Variants in AKR1B15 observed in about 807,000 individuals in gnomAD.
AKR1B15 encodes the protein aldo-keto reductase family 1 member B15, also known as estradiol 17-beta-dehydrogenase AKR1B15.
A neutral mutation model predicts 38.5 loss-of-function variants in AKR1B15; 49 were observed. The observed-to-expected ratio is 1.27, with a 90% CI of 1.01 to 1.62. The LOEUF is 1.62. Among genes scored for constraint, AKR1B15 ranks in the 40% most tolerant of loss-of-function variants. The pLI, the probability that AKR1B15 is intolerant of heterozygous loss-of-function variation, is 0.00. For missense variants in AKR1B15, 411 were observed against 381.6 expected, an observed-to-expected ratio of 1.08 and a Z score of -0.64; for synonymous variants, 137 against 135.5, an observed-to-expected ratio of 1.01 and a Z score of -0.08.
intron 6 of AKR1B15, among the ~76,000 whole-genome samples, chr7:134,574,722 C>A (rs1441974156): frequency 6.6e-6 from 1 of 152,202 alleles, no homozygotes; most frequent in Non-Finnish European, 1.5e-5. Flanking sequence ...TTGGAAAATG[C>A]CCAATAAAGG....
intron 4 of AKR1B15, 123 bp from the exon 5 acceptor site, chr7:134,569,290 A>C: frequency 9.1e-7 from 1 of 1,099,176 alleles, no homozygotes; most frequent in South Asian, 1.5e-5. Context: ...GATCTTAATC[A>C]GCTTTGTTAT....
rs1231413325 is a variant in AKR1B15, at chr7:134,569,635, G to A, written c.435+106G>A. On this transcript the variant is annotated intron_variant, in intron 5 of 11. Transcript: ENST00000457545. ...AAGCCATGGCAGAAGAACATAAATT[G>A]TGAAGATTTCATGGACATTTCTTAA... The A allele has an allele frequency of 8.3e-6, 10 of 1,202,290 alleles. No individual in the cohort carries two copies. In the African/African-American group the frequency reaches 1.1e-4, roughly 13 times the overall value. The allele number at this position is 1,202,290 out of a possible 1,614,324, so 74.5% of individuals were successfully genotyped here.
chr7:134,560,004 AG>A (rs2117632213), intron 2 of AKR1B15, among the ~76,000 whole-genome samples: 1 of 152,146 alleles, frequency 6.6e-6, no homozygotes, highest in South Asian at 2.1e-4. Context: ...GCTACTTGGG[AG>A]GCTGAGGCAG....
At chr7:134,565,472 G>T (rs368214646) in intron 3 of AKR1B15, 12 of 1,613,114 alleles carry the variant, frequency 7.4e-6, no homozygotes, top group African/African-American at 2.7e-5. Flanking sequence ...AATCATTTCC[G>T]CACCAACCAT....
Position 134,575,876 on chromosome 7 carries a change from A to T in AKR1B15, c.692A>T (p.Lys231Met), listed in dbSNP as rs752388870. Residue 231 changes from lysine (K) to methionine (M), a missense_variant, in exon 8 of 12, where the codon AAG (lysine) becomes ATG (methionine). Lys to Met is a moderately conservative substitution (Grantham distance 95). Coordinates refer to ENST00000457545, the MANE Select transcript of AKR1B15 (RefSeq NM_001080538.3). ...QEKLIQYCHS[K>M]GITVTAYSPL... ...AAACTGATCCAGTACTGCCACTCCA[A>T]GGGCATCACCGTTACGGCCTACAGC... 1.9e-6 allele frequency: 3 copies of T among 1,613,798 alleles called. No individual in the cohort carries two copies. In the South Asian group the frequency reaches 3.3e-5, roughly 18 times the overall value.
At chr7:134,556,525 G>A (rs149774697) in intron 1 of AKR1B15, among the ~76,000 whole-genome samples, 1,839 of 152,256 alleles carry the variant, frequency 0.012, 119 homozygotes, top group Admixed American at 0.11. Flanking sequence ...GCTACTTGTA[G>A]TGAGTCTCTC....
intron 1 of AKR1B15, among the ~76,000 whole-genome samples, chr7:134,553,749 C>T (rs757055989): frequency 4.6e-5 from 7 of 152,222 alleles, no homozygotes; most frequent in Admixed American, 1.3e-4. Flanking sequence ...CCTTACCACA[C>T]CTGTCCATGA....
intron 2 of AKR1B15, among the ~76,000 whole-genome samples, chr7:134,562,850 C>CTTTCTTTCTTTCTTTCTT: frequency 9.4e-6 from 1 of 106,214 alleles, no homozygotes; most frequent in South Asian, 2.7e-4. Flanking sequence ...TTCTTTCTTT[C>CTTTCTTTCTTTCTTTCTT]TTTCTTTCTT....
At position 134,575,908 on chromosome 7, in the gene AKR1B15, G is replaced by C; in HGVS notation, c.724G>C (p.Gly242Arg). 6.2e-7 allele frequency: 1 copy of C among 1,613,584 alleles called. No individual in the cohort carries two copies. Among genetic ancestry groups the C allele is most frequent in the Non-Finnish European group, 8.5e-7 (1 of 1,179,754 alleles). ...GITVTAYSPL[G>R]SPDRPWAKPE... ...CACCGTTACGGCCTACAGCCCCCTG[G>C]GCTCTCCGGATAGACCTTGGTGAGG... is the stretch of plus-strand genomic sequence containing the variant. Residue 242 changes from glycine to arginine, a missense_variant, in exon 8 of 12, where the codon GGC (glycine) becomes CGC (arginine). By Grantham distance (125) the Gly-to-Arg change is moderately radical. Transcript: ENST00000457545.
chr7:134,568,575 T>C (rs1794596354), intron 4 of AKR1B15, among the ~76,000 whole-genome samples: 1 of 152,174 alleles, frequency 6.6e-6, no homozygotes, highest in African/African-American at 2.4e-5. Context: ...GGCCTCCCTG[T>C]TCCCCATCAG....
intron 5 of AKR1B15, among the ~76,000 whole-genome samples, chr7:134,571,004 G>A (rs1794656741): frequency 6.6e-6 from 1 of 152,170 alleles, no homozygotes; most frequent in Non-Finnish European, 1.5e-5. Flanking sequence ...ATTAAGCAAA[G>A]CACACCTGGC....
At chr7:134,560,505 T>TA (rs1323597977) in intron 2 of AKR1B15, among the ~76,000 whole-genome samples, 1 of 152,192 alleles carries the variant, frequency 6.6e-6, no homozygotes, top group Non-Finnish European at 1.5e-5. Flanking sequence ...GTTGGGTTGT[T>TA]ACACGAAAAC....
intron 10 of AKR1B15, among the ~76,000 whole-genome samples, chr7:134,577,346 G>A (rs1794787969): frequency 6.6e-6 from 1 of 152,160 alleles, no homozygotes; most frequent in African/African-American, 2.4e-5. Context: ...CCATACACAA[G>A]AGCAGACTGT....
rs57321440 is a variant in AKR1B15, at chr7:134,575,783, C to A, written c.637-38C>A. 6,063 of 1,610,016 alleles carry A rather than the reference C, an allele frequency of 3.8e-3. 184 individuals are homozygous for A. The African/African-American group carries it at 0.069, about 18-fold the overall frequency. ...TCCCTAGGAACAATGCAAAACAGAG[C>A]CGGCTTTCCCCGTGATGAGGATTGT... On this transcript the variant is annotated intron_variant, in intron 7 of 11. Coordinates refer to ENST00000457545, the MANE Select transcript of AKR1B15 (RefSeq NM_001080538.3).
chr7:134,550,233 A>C (rs1379932073), intron 1 of AKR1B15, among the ~76,000 whole-genome samples: 1 of 151,968 alleles, frequency 6.6e-6, no homozygotes, highest in Non-Finnish European at 1.5e-5. Flanking sequence ...CTGGACTCTT[A>C]TTTTACCTCT....
intron 4 of AKR1B15, among the ~76,000 whole-genome samples, chr7:134,568,875 A>AC (rs1554403143): frequency 2.6e-5 from 4 of 150,970 alleles, no homozygotes; most frequent in African/African-American, 7.3e-5. Flanking sequence ...GAAAAAAAAA[A>AC]CAAAACACTA....
At chr7:134,567,342 C>G (rs909571402) in intron 3 of AKR1B15, among the ~76,000 whole-genome samples, 1 of 152,072 alleles carries the variant, frequency 6.6e-6, no homozygotes, top group African/African-American at 2.4e-5. Flanking sequence ...CTTTCTCTCC[C>G]TCTCTCTCGT....
chr7:134,577,073 T>C (rs1794781753), intron 10 of AKR1B15, 27 bp downstream of exon 10: 4 of 1,588,600 alleles, frequency 2.5e-6, no homozygotes, highest in Non-Finnish European at 3.5e-6. Flanking sequence ...TCGGGCCTGG[T>C]ATTCCTCAGT....
intron 4 of AKR1B15, 21 bp downstream of exon 4, chr7:134,568,346 G>A: frequency 6.2e-6 from 10 of 1,612,512 alleles, no homozygotes; most frequent in Non-Finnish European, 8.5e-6. Flanking sequence ...CGCATTTGGT[G>A]GGAGGCCTTC....
Sources: allele counts gnomAD v4.1 joint callset (sites outside exome capture counted in the v4.1 genomes callset), GRCh38; gene constraint gnomAD v4.1.1; transcripts MANE v1.5; gene names NCBI Gene and HGNC (gene_info 2026-07-23, HGNC 2026-07-21).